The following MFSD6 variants were observed in gnomAD, a reference collection of about 807,000 sequenced individuals.
MFSD6 encodes major facilitator superfamily domain-containing protein 6.
A neutral mutation model predicts 56.3 loss-of-function variants in MFSD6; 26 were observed. The observed-to-expected ratio is 0.46, with a 90% CI of 0.34 to 0.64. The LOEUF is 0.64. MFSD6 is among the 30% of genes least tolerant of loss of function. MFSD6 has a pLI of 0.01. For synonymous variants in MFSD6, 331 were observed against 366.9 expected (o/e 0.90, Z 1.12); for missense variants, 750 against 986.2 (o/e 0.76, Z 3.21).
At chr2:190,427,942 G>C (rs1490737898) in intron 2 of MFSD6, among the ~76,000 whole-genome samples, 2 of 152,278 alleles carry the variant, frequency 1.3e-5, no homozygotes, top group East Asian at 3.9e-4. Context: ...ACGTTGATCA[G>C]ACTGGTCTCG....
chr2:190,431,433 G>A lies in MFSD6; in HGVS notation c.-53-4544G>A, dbSNP rs1283670569. ...GGGCACCATTGATCACTGAGTGAAC[G>A]AGACTCCGTCTGCAATCCCGGCACC... is the stretch of plus-strand genomic sequence containing the variant. On this transcript the variant is annotated intron_variant, in intron 2 of 7. Transcript: ENST00000392328. The surrounding 1 kb of genome is among the most constrained non-coding windows in gnomAD (Gnocchi z 4.4). 3.9e-5 allele frequency among the ~76,000 whole-genome samples: 6 copies of A among 152,216 alleles called. No homozygotes were observed. Among genetic ancestry groups the A allele is most frequent in the African/African-American group, 1.2e-4 (5 of 41,458 alleles).
intron 1 of MFSD6, among the ~76,000 whole-genome samples, chr2:190,414,847 T>G (rs999528117): frequency 4.6e-5 from 7 of 152,214 alleles, no homozygotes; most frequent in African/African-American, 1.7e-4. Flanking sequence ...TGGTGTCATT[T>G]TTATCGAGTC....
intron 4 of MFSD6, among the ~76,000 whole-genome samples, chr2:190,484,628 A>G (rs756419948): frequency 6.6e-6 from 1 of 152,230 alleles, no homozygotes; most frequent in Non-Finnish European, 1.5e-5. Flanking sequence ...GCTTCAGATT[A>G]TTAAGATTAC....
In MFSD6 at chr2:190,426,991, G is replaced by T. The variant is rs1170919722; in HGVS notation, c.-53-8986G>T. Among the ~76,000 whole-genome samples the T allele has an allele frequency of 6.6e-6, 1 of 152,204 alleles. No homozygotes were observed. Among genetic ancestry groups the T allele is most frequent in the Non-Finnish European group, 1.5e-5 (1 of 68,038 alleles). On this transcript the variant is annotated intron_variant, in intron 2 of 7. Transcript: ENST00000392328. This position sits in a 1 kb window ranked among gnomAD's most constrained non-coding sequence, Gnocchi z 4.7. ...AAGGTGAAAGACTTTTCATTACTGT[G>T]AAGTGGAGATGGGCATTTCAGCTCC...
In MFSD6 at chr2:190,497,600, A is replaced by G. The variant is rs1689776426; in HGVS notation, c.2053A>G (p.Lys685Glu). 6.2e-7 allele frequency: 1 copy of G among 1,614,082 alleles called. No individual in the cohort carries two copies. The highest frequency in any genetic ancestry group is 1.7e-5 in the Admixed American group (1 of 60,008). ...KHQEEQEDVN[K>E]PAWGVSSSPW... ...CCAGGAAGAACAGGAAGATGTGAAC[A>G]AACCAGCCTGGGGAGTCAGCTCTTC... The change falls in exon 7 of 8, where the codon AAA (lysine) becomes GAA (glutamate). Residue 685 changes from lysine to glutamate, a missense_variant. Physicochemically the swap from Lys to Glu is moderately conservative, Grantham distance 56 (BLOSUM62 1). Transcript: ENST00000392328. The surrounding 1 kb of genome is among the most constrained non-coding windows in gnomAD (Gnocchi z 5.2).
intron 3 of MFSD6, among the ~76,000 whole-genome samples, chr2:190,442,308 G>A (rs759107437): frequency 3.3e-5 from 5 of 152,142 alleles, no homozygotes; most frequent in Non-Finnish European, 5.9e-5. Flanking sequence ...CCTCAGATTA[G>A]TAAGATGCAG....
At chr2:190,429,671 A>T (rs1205967256) in intron 2 of MFSD6, among the ~76,000 whole-genome samples, 2 of 151,420 alleles carry the variant, frequency 1.3e-5, no homozygotes, top group Non-Finnish European at 2.9e-5. Flanking sequence ...TGTTTAATAT[A>T]CTCTGTGTCT....
rs1015886073 is a variant in MFSD6 at position 190,426,654 on chromosome 2, C to T, written c.-53-9323C>T. 6.6e-6 allele frequency among the ~76,000 whole-genome samples: 1 copy of T among 152,126 alleles called. No individual in the cohort carries two copies. The highest frequency in any genetic ancestry group is 1.5e-5 in the Non-Finnish European group (1 of 68,028). ...CCATTCTCCCCACTTTTGGAGTCCC[C>T]AGTGTCTATTATTTCCAAATGATGG... On this transcript the variant is annotated intron_variant, in intron 2 of 7. Coordinates refer to ENST00000392328, the MANE Select transcript of MFSD6 (RefSeq NM_017694.4). This position sits in a 1 kb window ranked among gnomAD's most constrained non-coding sequence, Gnocchi z 4.7.
rs1309677648 is a variant in MFSD6 at position 190,497,614 on chromosome 2, A to G, written c.2067A>G (p.Gly689=). The G allele has an allele frequency of 6.2e-7, 1 of 1,614,038 alleles. No individual in the cohort carries two copies. The highest frequency in any genetic ancestry group is 1.3e-5 in the African/African-American group (1 of 74,914). Residue 689 remains glycine, a synonymous_variant, in exon 7 of 8, where the codon GGA becomes GGG. Coordinates refer to ENST00000392328, the MANE Select transcript of MFSD6 (RefSeq NM_017694.4). This position sits in a 1 kb window ranked among gnomAD's most constrained non-coding sequence, Gnocchi z 5.2. The stretch of plus-strand genomic sequence containing the variant: ...AAGATGTGAACAAACCAGCCTGGGG[A>G]GTCAGCTCTTCTCCCTGGGTGACCT... ...EQEDVNKPAW[G]VSSSPWVTFV... is the part of the protein sequence containing the mutation.
chr2:190,435,330 G>A (rs1346520004), intron 2 of MFSD6: 1 of 152,246 alleles, frequency 6.6e-6, no homozygotes, highest in Admixed American at 6.5e-5. Context: ...TGCTAAATAA[G>A]TATTATCTGC....
chr2:190,469,981 G>A lies in MFSD6; in HGVS notation c.1630+126G>A. On this transcript the variant is annotated intron_variant, in intron 4 of 7. Coordinates refer to ENST00000392328, the MANE Select transcript of MFSD6 (RefSeq NM_017694.4). The surrounding 1 kb of genome is among the most constrained non-coding windows in gnomAD (Gnocchi z 5.3). Reference sequence around the variant, plus strand: ...GCCTACTGTTTCATGTGATTTTGAAGTGGTTGTTAAGGAAGAGATGACATC... The same window carrying A: ...GCCTACTGTTTCATGTGATTTTGAAATGGTTGTTAAGGAAGAGATGACATC... 1 of 651,442 alleles carries A rather than the reference G, an allele frequency of 1.5e-6. No homozygotes were observed. The highest frequency in any genetic ancestry group is 2.6e-6 in the Non-Finnish European group (1 of 387,808). 40.4% of individuals were successfully genotyped at this position (651,442 alleles called of 1,614,324 possible).
At position 190,485,649 on chromosome 2, in the gene MFSD6, T is replaced by TA. The variant is rs1688968443; in HGVS notation, c.1631-3006dup. Among the ~76,000 whole-genome samples, 1 of 152,146 alleles carries TA rather than the reference T, an allele frequency of 6.6e-6. No individual in the cohort carries two copies. The highest frequency in any genetic ancestry group is 6.5e-5 in the Admixed American group (1 of 15,274). ...TTAGGTACTATGGTGTCAACACTCA[T>TA]AATTAAGACTATCCAGGCATTATTC... On this transcript the variant is annotated intron_variant, in intron 4 of 7. Transcript: ENST00000392328. This position sits in a 1 kb window ranked among gnomAD's most constrained non-coding sequence, Gnocchi z 5.1.
At chr2:190,429,516 C>T (rs987129726) in intron 2 of MFSD6, among the ~76,000 whole-genome samples, 3 of 151,836 alleles carry the variant, frequency 2.0e-5, no homozygotes, top group East Asian at 3.9e-4. Flanking sequence ...TTAGTAAAGA[C>T]GGGGTTTCAT....
rs1014923963 is a variant in MFSD6 at position 190,489,392 on chromosome 2, A to G, written c.1793-376A>G. 2.0e-5 allele frequency among the ~76,000 whole-genome samples: 3 copies of G among 152,220 alleles called. No homozygotes were observed. The highest frequency in any genetic ancestry group is 4.4e-5 in the Non-Finnish European group (3 of 68,032). On this transcript the variant is annotated intron_variant, in intron 5 of 7. Coordinates refer to ENST00000392328, the MANE Select transcript of MFSD6 (RefSeq NM_017694.4). The surrounding 1 kb of genome is among the most constrained non-coding windows in gnomAD (Gnocchi z 6.6). Reference sequence around the variant, plus strand: ...TGGGCCCCAGGAAATGCGTGCATTTATAGCACTATTTGAGCACTGCTGTTC... The same window carrying G: ...TGGGCCCCAGGAAATGCGTGCATTTGTAGCACTATTTGAGCACTGCTGTTC...
rs900022512 is a variant in MFSD6, at chr2:190,471,675, T to C, written c.1630+1820T>C. The stretch of plus-strand genomic sequence containing the variant: ...AAACTCCACCTCTGGGGGCAGAGCA[T>C]AGCCAAACAAAAGGCAGCAGAAACC... On this transcript the variant is annotated intron_variant, in intron 4 of 7. Coordinates refer to ENST00000392328, the MANE Select transcript of MFSD6 (RefSeq NM_017694.4). This position sits in a 1 kb window ranked among gnomAD's most constrained non-coding sequence, Gnocchi z 4.7. Among the ~76,000 whole-genome samples, 4 of 152,178 alleles carry C rather than the reference T, an allele frequency of 2.6e-5. No homozygotes were observed. The highest frequency in any genetic ancestry group is 5.9e-5 in the Non-Finnish European group (4 of 68,026).
In MFSD6 at chr2:190,437,003, G is replaced by A. The variant is rs1437747116; in HGVS notation, c.974G>A (p.Gly325Glu). Reference sequence around the variant, plus strand: ...CTGGGAAAACACAGAGATCGCTATGGGTTGCAGCGCATGTGGGGCTCCCTG... The same window carrying A: ...CTGGGAAAACACAGAGATCGCTATGAGTTGCAGCGCATGTGGGGCTCCCTG... ...QYLGKHRDRY[G>E]LQRMWGSLGW... Residue 325 changes from glycine (G) to glutamate (E), a missense_variant, in exon 3 of 8, where the codon GGG (glycine) becomes GAG (glutamate). Physicochemically the swap from Gly to Glu is moderately conservative, Grantham distance 98. Coordinates refer to ENST00000392328, the MANE Select transcript of MFSD6 (RefSeq NM_017694.4). The surrounding 1 kb of genome is among the most constrained non-coding windows in gnomAD (Gnocchi z 5.9). The A allele has an allele frequency of 6.2e-7, 1 of 1,614,090 alleles. No individual in the cohort carries two copies. Among genetic ancestry groups the A allele is most frequent in the African/African-American group, 1.3e-5 (1 of 74,926 alleles).
At position 190,456,376 on chromosome 2, in the gene MFSD6, G is replaced by A. The variant is rs1369914287; in HGVS notation, c.1533-13382G>A. Among the ~76,000 whole-genome samples, 1 of 152,196 alleles carries A rather than the reference G, an allele frequency of 6.6e-6. No individual in the cohort carries two copies. Among genetic ancestry groups the A allele is most frequent in the Non-Finnish European group, 1.5e-5 (1 of 68,034 alleles). On this transcript the variant is annotated intron_variant, in intron 3 of 7. Coordinates refer to ENST00000392328, the MANE Select transcript of MFSD6 (RefSeq NM_017694.4). The surrounding 1 kb of genome is among the most constrained non-coding windows in gnomAD (Gnocchi z 5.4). The stretch of plus-strand genomic sequence containing the variant: ...GTGAATGTTCAGGAATGACAGAGAG[G>A]GAGATGACCCTAAAGCCAGTGATGC...
At chr2:190,421,606 C>G (rs554451642) in intron 2 of MFSD6, among the ~76,000 whole-genome samples, 1 of 152,204 alleles carries the variant, frequency 6.6e-6, no homozygotes, top group South Asian at 2.1e-4. Context: ...TTATTTGAGA[C>G]AGTTCTCACC....
rs899317297 is a variant in MFSD6 at position 190,443,235 on chromosome 2, C to T, written c.1532+5674C>T. The stretch of plus-strand genomic sequence containing the variant: ...GACTTTAAGGATTGTATGGTGGTTA[C>T]GAGCAGAGGCTGAGTCAGATTGCCT... On this transcript the variant is annotated intron_variant, in intron 3 of 7. Transcript: ENST00000392328. The surrounding 1 kb of genome is among the most constrained non-coding windows in gnomAD (Gnocchi z 4.2). Among the ~76,000 whole-genome samples the T allele has an allele frequency of 6.6e-6, 1 of 152,098 alleles. No homozygotes were observed. The highest frequency in any genetic ancestry group is 1.5e-5 in the Non-Finnish European group (1 of 68,022).
Sources: gnomAD v4.1 joint callset for allele counts (sites outside exome capture counted in the v4.1 genomes callset) on GRCh38, gnomAD v4.1.1 for gene constraint, Gnocchi (gnomAD v3.1) non-coding constraint, MANE v1.5 for transcripts, NCBI Gene and HGNC (gene_info 2026-07-23, HGNC 2026-07-21) for gene names.